The following DMRT1 variants were observed in gnomAD, a reference collection of about 807,000 sequenced individuals.
DMRT1 encodes the protein doublesex and mab-3 related transcription factor 1.
In DMRT1, 7 loss-of-function variants were observed where a neutral mutation model predicts 32.3. The ratio of observed to expected loss-of-function variants is 0.22; its 90% CI spans 0.12 to 0.41. DMRT1 has a LOEUF of 0.41. Among genes scored for constraint, DMRT1 ranks in the 10% least tolerant of loss-of-function variants. The pLI is 1.00. For missense variants in DMRT1, 625 were observed against 500.5 expected (o/e 1.25, Z -2.37); for synonymous variants, 278 against 206.1 (o/e 1.35, Z -2.99).
intron 3 of DMRT1, 43 bp from the exon 4 acceptor site, chr9:916,720 T>A: frequency 6.2e-7 from 1 of 1,609,596 alleles, no homozygotes; most frequent in Non-Finnish European, 8.5e-7. Context: ...AGTTGTGACA[T>A]GCAATGTTGA....
chr9:879,693 A>T (rs1255596438), intron 2 of DMRT1, among the ~76,000 whole-genome samples: 1 of 152,224 alleles, frequency 6.6e-6, no homozygotes, highest in East Asian at 1.9e-4. Context: ...ACTCTGTTTC[A>T]TTAAAATCTA....
intron 4 of DMRT1, among the ~76,000 whole-genome samples, chr9:940,171 A>C (rs1819015917): frequency 6.6e-6 from 1 of 152,082 alleles, no homozygotes; most frequent in Non-Finnish European, 1.5e-5. Flanking sequence ...CAAAAACTTA[A>C]CCATAAAATT....
chr9:887,799 G>C (rs1248914835), intron 2 of DMRT1, among the ~76,000 whole-genome samples: 2 of 152,078 alleles, frequency 1.3e-5, no homozygotes, highest in Non-Finnish European at 2.9e-5. Flanking sequence ...TTGGATTATT[G>C]CTTTGTAGAT....
At chr9:917,329 CA>C (rs1409416061) in intron 4 of DMRT1, among the ~76,000 whole-genome samples, 2 of 152,088 alleles carry the variant, frequency 1.3e-5, no homozygotes, top group African/African-American at 4.8e-5. Context: ...GCGAAAACAA[CA>C]TAATAAAACA....
chr9:907,665 A>C (rs370858935), intron 3 of DMRT1, among the ~76,000 whole-genome samples: 1 of 152,226 alleles, frequency 6.6e-6, no homozygotes, highest in East Asian at 1.9e-4. Context: ...GTATTCCAGT[A>C]TATATTTACA....
At chr9:851,600 A>G (rs1839154855) in intron 2 of DMRT1, among the ~76,000 whole-genome samples, 1 of 152,196 alleles carries the variant, frequency 6.6e-6, no homozygotes, top group Non-Finnish European at 1.5e-5. Context: ...AAAAGGGCCA[A>G]AAGTGAAGAA....
At chr9:851,965 A>T (rs1589448444) in intron 2 of DMRT1, among the ~76,000 whole-genome samples, 2 of 147,430 alleles carry the variant, frequency 1.4e-5, no homozygotes, top group African/African-American at 5.0e-5. Flanking sequence ...TTTTTGAGAC[A>T]GTCTCACTCT....
Position 842,040 on chromosome 9 carries a change from A to G in DMRT1, c.202A>G (p.Lys68Glu). ...GGCGTCGGACCTGGGTGCCGGGAGCAAGAAGTCCCCGCGGCTGCCCAAGTG... is the reference window on the plus strand; with the variant it reads ...GGCGTCGGACCTGGGTGCCGGGAGCGAGAAGTCCCCGCGGCTGCCCAAGTG... ...SGASDLGAGS[K>E]KSPRLPKCAR... Residue 68 changes from lysine (K) to glutamate (E), a missense_variant, in exon 1 of 5, where the codon AAG becomes GAG. This residue lies in a region of DMRT1 where 201 missense variants were observed against 152.0 expected (regional missense o/e 1.32). Transcript: ENST00000382276. 6.5e-7 allele frequency: 1 copy of G among 1,546,864 alleles called. No individual in the cohort carries two copies. The highest frequency in any genetic ancestry group is 8.7e-7 in the Non-Finnish European group (1 of 1,148,944).
intron 2 of DMRT1, among the ~76,000 whole-genome samples, chr9:883,840 C>G (rs976575954): frequency 2.0e-5 from 3 of 151,662 alleles, no homozygotes; most frequent in Non-Finnish European, 4.4e-5. Context: ...GCTATACCCT[C>G]GTAGCGCTCA....
intron 4 of DMRT1, among the ~76,000 whole-genome samples, chr9:921,530 T>TA (rs1818354340): frequency 6.6e-6 from 1 of 152,184 alleles, no homozygotes; most frequent in Non-Finnish European, 1.5e-5. Context: ...TGCTGGGTCC[T>TA]ATGGTAAGTC....
At chr9:893,169 C>G (rs1008176004) in intron 2 of DMRT1, among the ~76,000 whole-genome samples, 2 of 152,194 alleles carry the variant, frequency 1.3e-5, no homozygotes, top group African/African-American at 2.4e-5. Flanking sequence ...CCCGGACTGG[C>G]TCTTAGAACA....
intron 4 of DMRT1, among the ~76,000 whole-genome samples, chr9:954,157 C>T (rs900086736): frequency 3.3e-5 from 5 of 152,000 alleles, no homozygotes; most frequent in Non-Finnish European, 5.9e-5. Flanking sequence ...ATAATAAGCA[C>T]GGGGAGAAGT....
chr9:894,114 C>T lies in DMRT1; in HGVS notation c.741C>T (p.Pro247=), dbSNP rs1817258247. The T allele has an allele frequency of 3.7e-6, 6 of 1,614,132 alleles. No individual in the cohort carries two copies. The highest frequency in any genetic ancestry group is 5.1e-6 in the Non-Finnish European group (6 of 1,180,058). ...ADSASGEVGN[P]LGGSPVKNSL... Reference sequence around the variant, plus strand: ...CTGCTTCTGGGGAGGTGGGAAATCCCCTCGGGGGATCCCCTGTGAAGAACA... The same window carrying T: ...CTGCTTCTGGGGAGGTGGGAAATCCTCTCGGGGGATCCCCTGTGAAGAACA... The change falls in exon 3 of 5, where the codon CCC becomes CCT. Residue 247 remains proline (P), a synonymous_variant. Coordinates refer to ENST00000382276, the MANE Select transcript of DMRT1 (RefSeq NM_021951.3).
rs1472692366 is a variant in DMRT1, at chr9:967,972, C to CCTCA, written c.968-10_968-7dup. ...TCTCCCTTTCTCTCTTTCTCTCTCA[C>CCTCA]CTCACTTCGCAGTATTCTCGCCGCC... is the stretch of plus-strand genomic sequence containing the variant. On this transcript the variant is annotated splice_polypyrimidine_tract_variant and intron_variant, in intron 4 of 4. Transcript: ENST00000382276. The CCTCA allele has an allele frequency of 6.2e-7, 1 of 1,613,264 alleles. No individual in the cohort carries two copies. The highest frequency in any genetic ancestry group is 8.5e-7 in the Non-Finnish European group (1 of 1,179,796).
At chr9:849,626 G>A (rs187195673) in intron 2 of DMRT1, among the ~76,000 whole-genome samples, 2 of 152,206 alleles carry the variant, frequency 1.3e-5, no homozygotes, top group Non-Finnish European at 2.9e-5. Context: ...AGGGTTCAGG[G>A]TCAAGGAGGA....
intron 2 of DMRT1, among the ~76,000 whole-genome samples, chr9:891,617 C>T (rs1023860445): frequency 6.0e-5 from 9 of 151,234 alleles, no homozygotes; most frequent in Middle Eastern, 3.4e-3. Context: ...CAGGTTCAAG[C>T]GATTCTCCTG....
intron 2 of DMRT1, among the ~76,000 whole-genome samples, chr9:879,042 C>T (rs1391526723): frequency 2.6e-5 from 4 of 152,108 alleles, no homozygotes; most frequent in Admixed American, 2.6e-4. Context: ...AAGGATAAAG[C>T]CAGAGCTGCC....
intron 4 of DMRT1, among the ~76,000 whole-genome samples, chr9:934,895 A>G (rs1818836507): frequency 6.6e-6 from 1 of 152,104 alleles, no homozygotes; most frequent in African/African-American, 2.4e-5. Flanking sequence ...AGCCTATAAA[A>G]TCGGCAGTTG....
At chr9:958,053 C>T (rs115636302) in intron 4 of DMRT1, among the ~76,000 whole-genome samples, 2,341 of 152,102 alleles carry the variant, frequency 0.015, 69 homozygotes, top group African/African-American at 0.053. Context: ...ATTTATGAAT[C>T]TTAAATTTTC....
Sources: allele counts gnomAD v4.1 joint callset (sites outside exome capture counted in the v4.1 genomes callset), GRCh38; gene constraint gnomAD v4.1.1; regional missense constraint gnomAD v4.1.1; transcripts MANE v1.5; gene names NCBI Gene and HGNC (gene_info 2026-07-23, HGNC 2026-07-21).